The following WDR43 variants were observed in gnomAD, a reference collection of about 807,000 sequenced individuals.
WDR43 encodes the protein WD repeat-containing protein 43.
Under a neutral mutation model 91.4 loss-of-function variants are expected in WDR43, and 13 were observed. The ratio of observed to expected loss-of-function variants is 0.14; its 90% confidence interval spans 0.09 to 0.23. The LOEUF is 0.23. WDR43 is among the 10% of genes least tolerant of loss of function. WDR43 has a pLI of 1.00. For missense variants in WDR43, 780 were observed against 809.4 expected, an observed-to-expected ratio of 0.96 and a Z score of 0.44; for synonymous variants, 331 against 287.9, an observed-to-expected ratio of 1.15 and a Z score of -1.51.
intron 1 of WDR43, chr2:28,895,291 C>G (rs1362961764): frequency 5.0e-6 from 1 of 201,048 alleles, no homozygotes; most frequent in African/African-American, 2.3e-5. Flanking sequence ...AGAGCCCCAT[C>G]TTGGGACTAT....
At chr2:28,943,187 A>G (rs1014478776) in intron 16 of WDR43, among the ~76,000 whole-genome samples, 1 of 152,058 alleles carries the variant, frequency 6.6e-6, no homozygotes, top group East Asian at 1.9e-4. Flanking sequence ...GCTGGAGTGC[A>G]GTGGCTCGAG....
At chr2:28,925,192 C>T (rs1335068272) in intron 8 of WDR43, 39 bp downstream of exon 8, 10 of 1,539,658 alleles carry the variant, frequency 6.5e-6, no homozygotes, top group Non-Finnish European at 7.0e-6. Flanking sequence ...AATATAGCAT[C>T]CCTGTGTCCA....
intron 7 of WDR43, 70 bp downstream of exon 7, chr2:28,923,053 C>A: frequency 7.6e-7 from 1 of 1,307,398 alleles, no homozygotes; most frequent in Non-Finnish European, 1.1e-6. Context: ...ATACTCCCAC[C>A]TGGTTATTCT....
At chr2:28,940,259 T>G (rs1671410894) in intron 14 of WDR43, among the ~76,000 whole-genome samples, 1 of 151,856 alleles carries the variant, frequency 6.6e-6, no homozygotes, top group Admixed American at 6.6e-5. Flanking sequence ...GACGGAGTTT[T>G]GCTCTTGTTG....
chr2:28,900,916 G>T (rs1440843164), intron 1 of WDR43, among the ~76,000 whole-genome samples: 3 of 152,030 alleles, frequency 2.0e-5, no homozygotes. Flanking sequence ...ATCCCCCTAG[G>T]ATAACTAAAA....
intron 9 of WDR43, 94 bp downstream of exon 9, chr2:28,926,648 T>A: frequency 1.9e-6 from 2 of 1,031,490 alleles, no homozygotes; most frequent in Admixed American, 5.5e-5. Flanking sequence ...CTGAGTTTTT[T>A]ATTCTTTAAT....
Position 28,926,449 on chromosome 2 carries a change from A to T in WDR43, c.1087-19A>T, listed in dbSNP as rs752664619. The T allele has an allele frequency of 1.1e-5, 16 of 1,459,982 alleles. No individual in the cohort carries two copies. In the Middle Eastern group the frequency reaches 5.5e-4, roughly 50 times the overall value. 90.4% of individuals were successfully genotyped at this position (1,459,982 alleles called of 1,614,324 possible). On this transcript the variant is annotated intron_variant, in intron 8 of 17. Transcript: ENST00000407426. ...TTTCTTTCCTCTCATCTTCCCCTTT[A>T]AAAAAAATATATTTTCAGGCTTTAA...
At position 28,947,930 on chromosome 2, in the gene WDR43, A is replaced by G. The variant is rs1307869882; in HGVS notation, c.*1151A>G. The G allele has an allele frequency of 7.0e-6, 1 of 143,658 alleles. No individual in the cohort carries two copies. 8.9% of individuals were successfully genotyped at this position (143,658 alleles called of 1,614,324 possible). ...ATTGGCTTAGTGCTCACTAGGGGAC[A>G]TGCACATGGAAGCTCACCTCTAAGA... On this transcript the variant is annotated 3_prime_UTR_variant, in exon 18 of 18. Transcript: ENST00000407426.
Position 28,946,603 on chromosome 2 carries a change from A to G in WDR43, c.1858A>G (p.Asn620Asp), listed in dbSNP as rs1420748928. 6.4e-7 allele frequency: 1 copy of G among 1,559,838 alleles called. No homozygotes were observed. The highest frequency in any genetic ancestry group is 8.7e-7 in the Non-Finnish European group (1 of 1,150,984). ...TCCTTGTTGGTATTTCGACTAGGATAATTGGGATGAAGATGAGGAGGAGAG... is the reference window on the plus strand; with the variant it reads ...TCCTTGTTGGTATTTCGACTAGGATGATTGGGATGAAGATGAGGAGGAGAG... The part of the protein sequence containing the change: ...DEIADKDSED[N>D]WDEDEEESES... Residue 620 changes from asparagine (N) to aspartate (D), a missense_variant, in exon 18 of 18, where the codon AAT (asparagine) becomes GAT (aspartate). Asn to Asp is a conservative substitution (Grantham distance 23). Around this residue, in one of 4 missense-constraint regions of WDR43, gnomAD observed 426 missense variants for 467.8 expected, o/e 0.91. Coordinates refer to ENST00000407426, the MANE Select transcript of WDR43 (RefSeq NM_015131.3).
At chr2:28,912,566 CT>C (rs760079484) in intron 3 of WDR43, 23 bp from the exon 4 acceptor site, 17 of 1,600,850 alleles carry the variant, frequency 1.1e-5, no homozygotes, top group African/African-American at 2.7e-5. Flanking sequence ...TATTGAGATG[CT>C]TTTTTTTCTC....
chr2:28,918,821 G>C (rs1280511249), intron 6 of WDR43, among the ~76,000 whole-genome samples: 1 of 152,188 alleles, frequency 6.6e-6, no homozygotes, highest in African/African-American at 2.4e-5. Context: ...AAGCTTTGCA[G>C]GATTTTGATT....
chr2:28,936,074 T>C (rs1671332341), intron 12 of WDR43, among the ~76,000 whole-genome samples: 1 of 152,146 alleles, frequency 6.6e-6, no homozygotes, highest in Admixed American at 6.5e-5. Flanking sequence ...TGACTGGCAG[T>C]ATGGAATTGG....
Position 28,946,876 on chromosome 2 carries a change from C to A in WDR43, c.*97C>A, listed in dbSNP as rs907341049. On this transcript the variant is annotated 3_prime_UTR_variant, in exon 18 of 18. Transcript: ENST00000407426. Reference sequence around the variant, plus strand: ...TGCCAGGATGCCAAGGACCGCTGCACATTTCCAAATTCACAGCAGTGGATC... The same window carrying A: ...TGCCAGGATGCCAAGGACCGCTGCAAATTTCCAAATTCACAGCAGTGGATC... The A allele has an allele frequency of 2.0e-5, 28 of 1,387,236 alleles. No individual in the cohort carries two copies. Among genetic ancestry groups the A allele is most frequent in the Non-Finnish European group, 2.7e-5 (28 of 1,052,414 alleles). The allele number at this position is 1,387,236 out of a possible 1,614,324, so 85.9% of individuals were successfully genotyped here. A position where few individuals can be genotyped will look rare whatever the true frequency, so the allele number is the denominator to read the frequency against.
chr2:28,917,412 C>T (rs1183694619), intron 5 of WDR43, among the ~76,000 whole-genome samples: 1 of 152,132 alleles, frequency 6.6e-6, no homozygotes, highest in Non-Finnish European at 1.5e-5. Flanking sequence ...CCCAAATTGA[C>T]CTACAGATTC....
chr2:28,941,156 G>T (rs4666141), intron 14 of WDR43, among the ~76,000 whole-genome samples: 40,363 of 152,014 alleles, frequency 0.27, 6,539 homozygotes, highest in East Asian at 0.77. Context: ...TACTTTATAT[G>T]GGATATTGGC....
intron 1 of WDR43, among the ~76,000 whole-genome samples, chr2:28,900,474 ACT>A (rs1369528086): frequency 2.6e-5 from 4 of 152,072 alleles, no homozygotes; most frequent in Admixed American, 2.6e-4. Flanking sequence ...GAGCCACCAC[ACT>A]CAGCCTTCTT....
chr2:28,946,593 C>T lies in WDR43; in HGVS notation c.1855-7C>T, dbSNP rs774136624. 3.1e-5 allele frequency: 49 copies of T among 1,560,510 alleles called. No homozygotes were observed. Among genetic ancestry groups the T allele is most frequent in the South Asian group, 1.3e-4 (11 of 84,818 alleles). ...ATGAATGCTTTCCTTGTTGGTATTT[C>T]GACTAGGATAATTGGGATGAAGATG... is the stretch of plus-strand genomic sequence containing the variant. On this transcript the variant is annotated splice_region_variant and splice_polypyrimidine_tract_variant and intron_variant, in intron 17 of 17. Transcript: ENST00000407426.
At position 28,948,157 on chromosome 2, in the gene WDR43, AG is replaced by A. The variant is rs1256857577; in HGVS notation, c.*1379del. 1 of 152,142 alleles carries A rather than the reference AG, an allele frequency of 6.6e-6. No individual in the cohort carries two copies. The highest frequency in any genetic ancestry group is 6.6e-5 in the Admixed American group (1 of 15,262). 9.4% of individuals were successfully genotyped at this position (152,142 alleles called of 1,614,324 possible). A position where few individuals can be genotyped will look rare whatever the true frequency, so the allele number is the denominator to read the frequency against. On this transcript the variant is annotated 3_prime_UTR_variant, in exon 18 of 18. Transcript: ENST00000407426. ...TACAGTTATATTTGTCTATAAATGG[AG>A]CTGTTTATGGCAATTTAATACCATT...
In WDR43 at chr2:28,912,602, C is replaced by T. The variant is rs6715296; in HGVS notation, c.498C>T (p.Gly166=). 1.2e-6 allele frequency: 2 copies of T among 1,613,160 alleles called. No homozygotes were observed. The highest frequency in any genetic ancestry group is 3.3e-4 in the Middle Eastern group (2 of 6,060). The change falls in exon 4 of 18, where the codon GGC becomes GGT. Residue 166 remains glycine, a synonymous_variant. Transcript: ENST00000407426. ...CTTCACAATATAGCAAATGGAAAGG[C>T]GACAATAGCAGTGTCAGTTCCCTAT... ...QTCKVKCKWK[G]DNSSVSSLCI...
Sources: allele counts gnomAD v4.1 joint callset (sites outside exome capture counted in the v4.1 genomes callset), GRCh38; gene constraint gnomAD v4.1.1; regional missense constraint gnomAD v4.1.1; transcripts MANE v1.5; gene names NCBI Gene and HGNC (gene_info 2026-07-23, HGNC 2026-07-21).